Variants in DDX3X observed in about 807,000 individuals in gnomAD.
DDX3X encodes DEAD-box helicase 3 X-linked, also known as ATP-dependent RNA helicase DDX3X.
Under a neutral mutation model 52.7 loss-of-function variants are expected in DDX3X, and 4 were observed. That is an observed-to-expected ratio of 0.08 (90% CI 0.04 to 0.17). The LOEUF (loss-of-function observed/expected upper bound fraction) is 0.17. Among genes scored for constraint, DDX3X ranks in the 10% least tolerant of loss-of-function variants. The probability of loss-of-function intolerance (pLI) is 1.00; values close to 1 mark genes in which losing one functional copy is unlikely to be tolerated. For synonymous variants in DDX3X, 192 were observed against 178.1 expected, an observed-to-expected ratio of 1.08 and a Z score of -0.62; for missense variants, 222 against 548.6, an observed-to-expected ratio of 0.40 and a Z score of 5.95.
Position 41,343,816 on chromosome X carries a change from C to T in DDX3X, c.759C>T (p.Ala253=), listed in dbSNP as rs763588542. 27 of 1,200,806 alleles carry T rather than the reference C, an allele frequency of 2.2e-5. No individual in the cohort carries two copies. The highest frequency in any genetic ancestry group is 2.8e-5 in the Non-Finnish European group (25 of 888,886). Reference sequence around the variant, plus strand: ...ATGGTCCAGGCGAGGCTTTGAGGGCCATGAAGGTAGATGTTTCTTTATAAA... The same window carrying T: ...ATGGTCCAGGCGAGGCTTTGAGGGCTATGAAGGTAGATGTTTCTTTATAAA... ...YSDGPGEALR[A]MKENGRYGRR... The change falls in exon 8 of 17, where the codon GCC becomes GCT. Residue 253 remains alanine (A), a synonymous_variant. Coordinates refer to ENST00000644876, the MANE Select transcript of DDX3X (RefSeq NM_001356.5).
upstream of DDX3X, chrX:41,333,855 G>A (rs1384008245): frequency 2.6e-5 from 4 of 150,987 alleles, no homozygotes; most frequent in Admixed American, 2.5e-4. Context: ...GAAAGCGGGA[G>A]ACGCAAGTTC....
Position 41,346,248 on chromosome X carries a change from A to G in DDX3X, c.1335A>G (p.Leu445=). 1 of 1,207,273 alleles carries G rather than the reference A, an allele frequency of 8.3e-7. No individual in the cohort carries two copies. The highest frequency in any genetic ancestry group is 1.1e-6 in the Non-Finnish European group (1 of 894,301). ...CGACAGGCAAGGATTCACTGACCTT[A>G]GTGTTTGTGGAGACCAAAAAGGGTG... The part of the protein sequence containing the change: ...LNATGKDSLT[L]VFVETKKGAD... Residue 445 remains leucine (L), a synonymous_variant, in exon 13 of 17, where the codon TTA becomes TTG. Coordinates refer to ENST00000644876, the MANE Select transcript of DDX3X (RefSeq NM_001356.5).
intron 1 of DDX3X, among the ~76,000 whole-genome samples, chrX:41,337,091 G>C (rs749253675): frequency 2.5e-4 from 28 of 112,450 alleles, no homozygotes; most frequent in Non-Finnish European, 4.1e-4. Context: ...TGATTAGGGA[G>C]CCTGTGCTAT....
chrX:41,342,868 A>C, intron 6 of DDX3X, 32 bp downstream of exon 6: 1 of 1,092,793 alleles, frequency 9.2e-7, no homozygotes, highest in Non-Finnish European at 1.3e-6. Flanking sequence ...TTTAAGACAC[A>C]GAGAGGTTAA....
At chrX:41,340,880 C>A (rs2063839996) in intron 3 of DDX3X, 1 of 295,012 alleles carries the variant, frequency 3.4e-6, no homozygotes, top group Non-Finnish European at 5.9e-6. Flanking sequence ...TTGTTATGGT[C>A]ACACAACGTC....
intron 5 of DDX3X, among the ~76,000 whole-genome samples, chrX:41,363,824 C>T (rs778894650): frequency 9.0e-6 from 1 of 111,105 alleles, no homozygotes; most frequent in African/African-American, 3.3e-5. Flanking sequence ...AAAACCCTGC[C>T]GCAATCCTTC....
intron 10 of DDX3X, among the ~76,000 whole-genome samples, chrX:41,344,920 GACTT>G (rs2063902717): frequency 9.0e-6 from 1 of 111,691 alleles, no homozygotes; most frequent in East Asian, 2.8e-4. Flanking sequence ...TCTTGGTTGA[GACTT>G]ACAACAATGA....
rs2063960082 is a variant in DDX3X, at chrX:41,349,054, C to G, written c.*1335C>G. On this transcript the variant is annotated 3_prime_UTR_variant, in exon 17 of 17. Transcript: ENST00000644876. ...TGCCTCTGCCACTTTGAATTCTGTG[C>G]TAATTTTGTGGCCAGAATGCGGTGA... is the stretch of plus-strand genomic sequence containing the variant. 8.9e-6 allele frequency: 1 copy of G among 112,295 alleles called. No homozygotes were observed. The highest frequency in any genetic ancestry group is 1.9e-5 in the Non-Finnish European group (1 of 53,272). 9.3% of individuals were successfully genotyped at this position (112,295 alleles called of 1,213,427 possible).
At position 41,344,103 on chromosome X, in the gene DDX3X, T is replaced by C. The variant is rs752332279; in HGVS notation, c.839T>C (p.Val280Ala). 8.3e-7 allele frequency: 1 copy of C among 1,205,283 alleles called. No individual in the cohort carries two copies. Among genetic ancestry groups the C allele is most frequent in the African/African-American group, 1.8e-5 (1 of 56,937 alleles). ...TTAGCACCAACGAGAGAGTTGGCAG[T>C]ACAGATCTACGAGGAAGCCAGAAAA... ...LVLAPTRELA[V>A]QIYEEARKFS... Residue 280 changes from valine (V) to alanine (A), a missense_variant, in exon 9 of 17, where the codon GTA (valine) becomes GCA (alanine). Around this residue, in one of 5 missense-constraint regions of DDX3X, gnomAD observed 73 missense variants for 301.4 expected, o/e 0.24. Transcript: ENST00000644876.
At chrX:41,338,996 T>G in intron 2 of DDX3X, 40 bp from the exon 3 acceptor site, 1 of 646,413 alleles carries the variant, frequency 1.5e-6, no homozygotes. Flanking sequence ...GAAGGTTTTT[T>G]GGCATTTAAT....
rs1013596197 is a variant in DDX3X at position 41,334,903 on chromosome X, G to A, written c.45+606G>A. On this transcript the variant is annotated intron_variant, in intron 1 of 16. Coordinates refer to ENST00000644876, the MANE Select transcript of DDX3X (RefSeq NM_001356.5). ...GCGGGTCTCGGGCGGGCGAAGGCCT[G>A]GAAAGGAGGATGGAATGGGTTTCTT... 5 of 361,867 alleles carry A rather than the reference G, an allele frequency of 1.4e-5. No homozygotes were observed. The South Asian group carries it at 1.6e-4, about 11-fold the overall frequency. 29.8% of individuals were successfully genotyped at this position (361,867 alleles called of 1,213,427 possible).
intron 1 of DDX3X, chrX:41,334,520 A>C: frequency 1.8e-6 from 2 of 1,090,105 alleles, no homozygotes; most frequent in Admixed American, 6.7e-5. Flanking sequence ...GACGAGCACA[A>C]TGGCGGCTTT....
intron 9 of DDX3X, 36 bp from the exon 10 acceptor site, chrX:41,344,203 T>C (rs746016142): frequency 8.3e-7 from 1 of 1,198,459 alleles, no homozygotes. Flanking sequence ...GTAAAAATTT[T>C]GACCTTGAAG....
At chrX:41,362,911 C>T (rs1291134628) in intron 5 of DDX3X, among the ~76,000 whole-genome samples, 18 of 111,730 alleles carry the variant, frequency 1.6e-4, no homozygotes, top group Non-Finnish European at 3.2e-4. Flanking sequence ...ATTATGAGCT[C>T]ATCAGACAGC....
At chrX:41,338,027 C>T (rs1372908499) in intron 2 of DDX3X, 1 of 111,202 alleles carries the variant, frequency 9.0e-6, no homozygotes, top group Non-Finnish European at 1.9e-5. Flanking sequence ...GAAGACTATA[C>T]TGAATTTTGG....
chrX:41,351,699 TATG>T (rs1385863637), downstream of DDX3X: 1 of 111,928 alleles, frequency 8.9e-6, no homozygotes, highest in Non-Finnish European at 1.9e-5. Flanking sequence ...CATTTCAGTT[TATG>T]ATCTATTTTT....
intron 5 of DDX3X, among the ~76,000 whole-genome samples, chrX:41,359,972 ACT>A (rs1360726988): frequency 1.8e-5 from 2 of 108,700 alleles, no homozygotes; most frequent in Non-Finnish European, 3.8e-5. Context: ...ACAGAGCGAG[ACT>A]CTGTCTCAAA....
intron 5 of DDX3X, among the ~76,000 whole-genome samples, chrX:41,356,902 C>T (rs2064011494): frequency 9.3e-6 from 1 of 107,866 alleles, no homozygotes; most frequent in Admixed American, 1.0e-4. Context: ...TATCCTTCCA[C>T]CATTCCTGCA....
intron 1 of DDX3X, chrX:41,334,659 G>A (rs1211607637): frequency 6.7e-6 from 7 of 1,050,408 alleles, no homozygotes; most frequent in Non-Finnish European, 7.4e-6. Flanking sequence ...GGCGGGACGC[G>A]ACTGGAGGCC....
Sources: allele counts gnomAD v4.1 joint callset (sites outside exome capture counted in the v4.1 genomes callset), GRCh38; gene constraint gnomAD v4.1.1; regional missense constraint gnomAD v4.1.1; transcripts MANE v1.5; gene names NCBI Gene and HGNC (gene_info 2026-07-23, HGNC 2026-07-21).